Variants in CRIM1 observed in about 807,000 individuals in gnomAD.
The protein encoded by CRIM1 is cysteine-rich motor neuron 1 protein.
Under a neutral mutation model 116.4 loss-of-function variants are expected in CRIM1, and 32 were observed. The ratio of observed to expected loss-of-function variants is 0.27; its 90% CI spans 0.21 to 0.37. CRIM1 has a LOEUF of 0.37. Among genes scored for constraint, CRIM1 ranks in the 10% least tolerant of loss-of-function variants. CRIM1 has a pLI of 1.00. For synonymous variants in CRIM1, 590 were observed against 509.2 expected (o/e 1.16, Z -2.13); for missense variants, 1,331 against 1,354.8 (o/e 0.98, Z 0.28).
intron 8 of CRIM1, among the ~76,000 whole-genome samples, chr2:36,509,468 A>G (rs1161274552): frequency 6.6e-6 from 1 of 152,242 alleles, no homozygotes; most frequent in Non-Finnish European, 1.5e-5. Context: ...CAGAAGTTGC[A>G]GTGAGCCGAA....
intron 6 of CRIM1, among the ~76,000 whole-genome samples, chr2:36,478,772 T>C (rs1373182562): frequency 1.3e-5 from 2 of 152,218 alleles, no homozygotes; most frequent in Non-Finnish European, 2.9e-5. Flanking sequence ...ATCTGGTTGC[T>C]CTCAATAGAG....
chr2:36,390,558 C>A (rs72863644), intron 1 of CRIM1, among the ~76,000 whole-genome samples: 1 of 152,148 alleles, frequency 6.6e-6, no homozygotes, highest in South Asian at 2.1e-4. Context: ...GTTTCTTCAT[C>A]ATTGTTTTTA....
intron 6 of CRIM1, among the ~76,000 whole-genome samples, chr2:36,477,543 C>T (rs976214731): frequency 6.6e-6 from 1 of 152,230 alleles, no homozygotes; most frequent in African/African-American, 2.4e-5. Flanking sequence ...CCAGGGAGAT[C>T]AGGGACCTGC....
At chr2:36,397,135 A>C (rs1405055191) in intron 2 of CRIM1, among the ~76,000 whole-genome samples, 1 of 152,116 alleles carries the variant, frequency 6.6e-6, no homozygotes, top group African/African-American at 2.4e-5. Flanking sequence ...CTCCATGAGG[A>C]GTCTGCTAAT....
At chr2:36,534,542 A>AGG (rs1351296120) in intron 13 of CRIM1, among the ~76,000 whole-genome samples, 5 of 124,156 alleles carry the variant, frequency 4.0e-5, no homozygotes, top group African/African-American at 1.3e-4. Flanking sequence ...AGAGGAAGGA[A>AGG]GGGAGAGAGG....
At chr2:36,516,326 ACT>A (rs1204119271) in intron 11 of CRIM1, among the ~76,000 whole-genome samples, 1 of 150,272 alleles carries the variant, frequency 6.7e-6, no homozygotes, top group Non-Finnish European at 1.5e-5. Context: ...ATGTCTCCAG[ACT>A]CTTTCTCGGC....
At chr2:36,521,595 A>G (rs1373211853) in intron 12 of CRIM1, among the ~76,000 whole-genome samples, 1 of 152,334 alleles carries the variant, frequency 6.6e-6, no homozygotes, top group Non-Finnish European at 1.5e-5. Context: ...GCCGTGATCA[A>G]CGCACTCCTA....
Position 36,419,223 on chromosome 2 carries a change from A to T in CRIM1, c.506-22035A>T, listed in dbSNP as rs532035786. ...AGGAGGCTTTTATTATTAGGACAACATGGTAATTTGGTTGAGAGAGGACTT... is the reference window on the plus strand; with the variant it reads ...AGGAGGCTTTTATTATTAGGACAACTTGGTAATTTGGTTGAGAGAGGACTT... On this transcript the variant is annotated intron_variant, in intron 2 of 16. Transcript: ENST00000280527. Among the ~76,000 whole-genome samples the T allele has an allele frequency of 7.2e-5, 11 of 152,346 alleles. No homozygotes were observed. The East Asian group carries it at 2.1e-3, about 29-fold the overall frequency.
intron 7 of CRIM1, among the ~76,000 whole-genome samples, chr2:36,480,535 A>T (rs899192731): frequency 1.3e-5 from 2 of 152,238 alleles, no homozygotes; most frequent in African/African-American, 4.8e-5. Flanking sequence ...AAAAACAGAT[A>T]TTGAAAAATG....
chr2:36,454,487 TG>T (rs1247036968), intron 4 of CRIM1, among the ~76,000 whole-genome samples: 2 of 152,074 alleles, frequency 1.3e-5, no homozygotes, highest in Non-Finnish European at 2.9e-5. Context: ...TGAGGCATGA[TG>T]GGGGGCTTCA....
At chr2:36,399,951 G>T (rs1253571810) in intron 2 of CRIM1, among the ~76,000 whole-genome samples, 2 of 152,210 alleles carry the variant, frequency 1.3e-5, no homozygotes, top group Non-Finnish European at 2.9e-5. Context: ...CAGCTTACTT[G>T]AGGTTAGTGG....
At chr2:36,480,976 G>T (rs1350377450) in intron 7 of CRIM1, among the ~76,000 whole-genome samples, 1 of 152,200 alleles carries the variant, frequency 6.6e-6, no homozygotes, top group South Asian at 2.1e-4. Context: ...AGCAGATGAA[G>T]ATAAGAATGT....
At chr2:36,531,846 A>G in intron 13 of CRIM1, 1 of 467,076 alleles carries the variant, frequency 2.1e-6, no homozygotes. Flanking sequence ...ATGTGATGCA[A>G]GATAATATTG....
At chr2:36,526,203 T>G (rs1319040788) in intron 13 of CRIM1, among the ~76,000 whole-genome samples, 1 of 152,216 alleles carries the variant, frequency 6.6e-6, no homozygotes. Context: ...ACTCTGGTTT[T>G]CTAAGTAAAT....
At chr2:36,429,358 C>T (rs921452407) in intron 2 of CRIM1, among the ~76,000 whole-genome samples, 2 of 152,164 alleles carry the variant, frequency 1.3e-5, no homozygotes, top group Non-Finnish European at 2.9e-5. Flanking sequence ...TGGAAGCAGT[C>T]ATGATCTCTT....
chr2:36,435,632 A>G (rs1572723135), intron 2 of CRIM1, among the ~76,000 whole-genome samples: 1 of 150,098 alleles, frequency 6.7e-6, no homozygotes, highest in African/African-American at 2.4e-5. Context: ...AGTTTTTGTC[A>G]TTACTTTCAA....
intron 13 of CRIM1, among the ~76,000 whole-genome samples, chr2:36,527,587 TATATC>T (rs1271980675): frequency 6.6e-6 from 1 of 152,180 alleles, no homozygotes; most frequent in African/African-American, 2.4e-5. Context: ...GTCTATACCT[TATATC>T]AAGTCAATAC....
rs1668822302 is a variant in CRIM1, at chr2:36,356,613, C to T, written c.321C>T (p.Gly107=). The T allele has an allele frequency of 6.2e-7, 1 of 1,607,378 alleles. No individual in the cohort carries two copies. The highest frequency in any genetic ancestry group is 2.2e-5 in the East Asian group (1 of 44,706). ...ACTCCCTCACCGAGTACGAAGCGGG[C>T]GTTTGCGAAGGTACGGCCGCCCGCT... is the stretch of plus-strand genomic sequence containing the variant. ...NGDSLTEYEA[G]VCEDENWTDD... is the part of the protein sequence containing the mutation. Residue 107 remains glycine (G), a synonymous_variant, in exon 1 of 17, where the codon GGC becomes GGT. Transcript: ENST00000280527. The surrounding 1 kb of genome is among the most constrained non-coding windows in gnomAD (Gnocchi z 4.3).
Position 36,546,763 on chromosome 2 carries a change from ATTTTTTTTTTTT to A in CRIM1, c.2747-205_2747-194del, listed in dbSNP as rs775086985. 1.1e-3 allele frequency among the ~76,000 whole-genome samples: 110 copies of A among 101,850 alleles called. 1 individual carries two copies. The Middle Eastern group carries it at 0.018, about 17-fold the overall frequency. 66.8% of individuals were successfully genotyped at this position (101,850 alleles called of 152,430 possible). ...CCCAATTATTAAGATTCTCACTCTG[ATTTTTTTTTTTT>A]TTTTTTTTTTTTTTTAACATTCATC... On this transcript the variant is annotated intron_variant, in intron 15 of 16. Coordinates refer to ENST00000280527, the MANE Select transcript of CRIM1 (RefSeq NM_016441.3).
Sources: allele counts gnomAD v4.1 joint callset (sites outside exome capture counted in the v4.1 genomes callset), GRCh38; gene constraint gnomAD v4.1.1; non-coding constraint Gnocchi (gnomAD v3.1); transcripts MANE v1.5; gene names NCBI Gene and HGNC (gene_info 2026-07-23, HGNC 2026-07-21).